LMF1: variants seen among roughly 807,000 people sequenced by gnomAD.
The protein encoded by LMF1 is lipase maturation factor 1, also known as transmembrane protein 112.
Under a neutral mutation model 60.6 loss-of-function variants are expected in LMF1, and 68 were observed. The ratio of observed to expected loss-of-function variants is 1.12; its 90% CI spans 0.92 to 1.37. The LOEUF is 1.37. Ranked by LOEUF, LMF1 falls within the 40% of genes most tolerant of loss-of-function variation. The pLI is 0.00. For synonymous variants in LMF1, 418 were observed against 324.7 expected (o/e 1.29, Z -3.09); for missense variants, 948 against 767.2 (o/e 1.24, Z -2.78).
intron 4 of LMF1, 130 bp from the exon 5 acceptor site, chr16:893,202 G>A (rs2070543087): frequency 2.6e-6 from 2 of 778,870 alleles, no homozygotes; most frequent in Non-Finnish European, 4.4e-6. Context: ...CGCTGTGAGG[G>A]AGGGGACCTT....
intron 10 of LMF1, among the ~76,000 whole-genome samples, chr16:856,783 C>T (rs3869444): frequency 0.012 from 1,892 of 152,344 alleles, 22 homozygotes; most frequent in African/African-American, 0.023. Flanking sequence ...GCCATGGCAC[C>T]GCCCCGGAGG....
At chr16:858,430 G>A (rs369582101) in intron 10 of LMF1, among the ~76,000 whole-genome samples, 1 of 47,162 alleles carries the variant, frequency 2.1e-5, no homozygotes, top group South Asian at 1.0e-3. Flanking sequence ...GGTGTGAGTG[G>A]TGTCACGGGA....
In LMF1 at chr16:854,473, G is replaced by A. The variant is rs777609114; in HGVS notation, c.*59C>T. The A allele has an allele frequency of 2.3e-4, 355 of 1,512,896 alleles. No individual in the cohort carries two copies. The highest frequency in any genetic ancestry group is 4.0e-5 in the Non-Finnish European group (45 of 1,118,254). 93.7% of individuals were successfully genotyped at this position (1,512,896 alleles called of 1,614,324 possible). A position where few individuals can be genotyped will look rare whatever the true frequency, so the allele number is the denominator to read the frequency against. On this transcript the variant is annotated 3_prime_UTR_variant, in exon 11 of 11. Coordinates refer to ENST00000262301, the MANE Select transcript of LMF1 (RefSeq NM_022773.4). ...CCCAGCTTGGGCTGGGCGCAGGGAA[G>A]GGCAAACGTTGCTGAGCCGCCGAGG...
intron 6 of LMF1, among the ~76,000 whole-genome samples, chr16:876,661 CG>C (rs2069990688): frequency 6.6e-6 from 1 of 151,642 alleles, no homozygotes; most frequent in African/African-American, 2.4e-5. Context: ...GAGCAAAGGA[CG>C]CAAGTGGCTT....
chr16:875,087 G>A lies in LMF1; in HGVS notation c.898-3746C>T, dbSNP rs558681195. ...GACCCTGGTGCTTCCACCTCGTCCT[G>A]GACACAGTGTGGGGCTGGAGAGGAT... On this transcript the variant is annotated intron_variant, in intron 6 of 10. Transcript: ENST00000262301. Among the ~76,000 whole-genome samples, 9 of 152,218 alleles carry A rather than the reference G, an allele frequency of 5.9e-5. No individual in the cohort carries two copies. The South Asian group carries it at 8.3e-4, about 14-fold the overall frequency.
chr16:957,764 G>A (rs2072736980), intron 1 of LMF1, among the ~76,000 whole-genome samples: 1 of 152,124 alleles, frequency 6.6e-6, no homozygotes, highest in Admixed American at 6.5e-5. Context: ...TGGAAGAGAC[G>A]GCCCAGACAC....
At chr16:939,089 C>T (rs72759489) in intron 2 of LMF1, among the ~76,000 whole-genome samples, 4 of 152,202 alleles carry the variant, frequency 2.6e-5, no homozygotes, top group South Asian at 2.1e-4. Context: ...CAAAGGGGAA[C>T]GGCAAAGGCA....
chr16:905,516 G>A (rs1396560220), intron 4 of LMF1, among the ~76,000 whole-genome samples: 1 of 152,372 alleles, frequency 6.6e-6, no homozygotes, highest in East Asian at 1.9e-4. Flanking sequence ...AATAGCCAGT[G>A]CATCTGAGGG....
At chr16:906,353 G>C (rs534170848) in intron 4 of LMF1, among the ~76,000 whole-genome samples, 2 of 152,166 alleles carry the variant, frequency 1.3e-5, no homozygotes, top group Admixed American at 6.5e-5. Flanking sequence ...TTGGGTCAGG[G>C]GGCTGGGGAA....
intron 1 of LMF1, among the ~76,000 whole-genome samples, chr16:967,368 G>A (rs1048423173): frequency 6.6e-6 from 1 of 152,236 alleles, no homozygotes; most frequent in Non-Finnish European, 1.5e-5. Flanking sequence ...ATAAAACAGT[G>A]AGGGATTCTG....
intron 2 of LMF1, among the ~76,000 whole-genome samples, chr16:940,039 A>T (rs1567280417): frequency 6.6e-6 from 1 of 152,178 alleles, no homozygotes; most frequent in Non-Finnish European, 1.5e-5. Flanking sequence ...GAACCCTGAG[A>T]CAGACCAAAG....
chr16:965,547 G>A (rs1219074807), intron 1 of LMF1, among the ~76,000 whole-genome samples: 1 of 152,236 alleles, frequency 6.6e-6, no homozygotes, highest in Non-Finnish European at 1.5e-5. Context: ...AGAAGAGTCA[G>A]ATGCTTGAAG....
chr16:916,309 C>T lies in LMF1; in HGVS notation c.515-5230G>A, dbSNP rs74509734. Among the ~76,000 whole-genome samples, 8 of 152,168 alleles carry T rather than the reference C, an allele frequency of 5.3e-5. No individual in the cohort carries two copies. In the South Asian group the frequency reaches 6.2e-4, roughly 12 times the overall value. ...AATCCATTAAGTTCGCTGTTAAAAT[C>T]GGGGACGAGGGAGCAAAGCGCTTCC... is the stretch of plus-strand genomic sequence containing the variant. On this transcript the variant is annotated intron_variant, in intron 3 of 10. Transcript: ENST00000262301.
rs760477227 is a variant in LMF1, at chr16:970,788, A to C, written c.193T>G (p.Phe65Val). Reference sequence around the variant, plus strand: ...TGTCCCGGGCCCGCCCGGCACTCACAGTACACGAAGGCTAGGGCCTTCAGG... The same window carrying C: ...TGTCCCGGGCCCGCCCGGCACTCACCGTACACGAAGGCTAGGGCCTTCAGG... ...VLLKALAFVYFVAFLVAFHQN... is the reference protein window; with the variant it reads ...VLLKALAFVYVVAFLVAFHQN... The change falls in exon 1 of 11, where the codon TTC becomes GTC. Residue 65 changes from phenylalanine to valine, a missense_variant and splice_region_variant. Transcript: ENST00000262301. 4.6e-6 allele frequency: 7 copies of C among 1,522,126 alleles called. No homozygotes were observed. The Admixed American group carries it at 1.4e-4, about 31-fold the overall frequency. 94.3% of individuals were successfully genotyped at this position (1,522,126 alleles called of 1,614,324 possible).
chr16:970,341 G>T (rs2073015092), intron 1 of LMF1, among the ~76,000 whole-genome samples: 1 of 152,190 alleles, frequency 6.6e-6, no homozygotes, highest in Non-Finnish European at 1.5e-5. Context: ...GCTGTGTCGG[G>T]GACAGCAGGA....
chr16:871,555 A>G, intron 6 of LMF1: 1 of 592,130 alleles, frequency 1.7e-6, no homozygotes, highest in East Asian at 2.8e-5. Flanking sequence ...AGGTGCTTCC[A>G]GAACATTCCT....
chr16:970,383 C>T (rs919296552), intron 1 of LMF1, among the ~76,000 whole-genome samples: 1 of 152,154 alleles, frequency 6.6e-6, no homozygotes, highest in Non-Finnish European at 1.5e-5. Context: ...CCCCCCGCCC[C>T]GCAGCCAGGA....
intron 4 of LMF1, chr16:899,712 C>A (rs2070756954): frequency 6.6e-6 from 1 of 152,258 alleles, no homozygotes; most frequent in Non-Finnish European, 1.5e-5. Context: ...CCACACCTCC[C>A]ATGGGCTGCG....
At chr16:948,576 C>T (rs1322126637) in intron 2 of LMF1, among the ~76,000 whole-genome samples, 10 of 142,806 alleles carry the variant, frequency 7.0e-5, no homozygotes, top group South Asian at 2.3e-4. Context: ...TTAGAGACAA[C>T]GACAGAGTCA....
Sources: allele counts gnomAD v4.1 joint callset (sites outside exome capture counted in the v4.1 genomes callset), GRCh38; gene constraint gnomAD v4.1.1; transcripts MANE v1.5; gene names NCBI Gene and HGNC (gene_info 2026-07-23, HGNC 2026-07-21).